The following REC114 variants were observed in gnomAD, a reference collection of about 807,000 sequenced individuals.
The protein encoded by REC114 is meiotic recombination protein REC114.
REC114 carries 27 observed loss-of-function variants against 31.3 expected under a neutral mutation model. The observed-to-expected ratio is 0.86, with a 90% CI of 0.64 to 1.19. The LOEUF (loss-of-function observed/expected upper bound fraction) is 1.19. Among genes scored for constraint, REC114 ranks in the 50% most tolerant of loss-of-function variants. The pLI, the probability that REC114 is intolerant of heterozygous loss-of-function variation, is 0.00. For synonymous variants in REC114, 134 were observed against 127.7 expected (o/e 1.05, Z -0.33); for missense variants, 344 against 326.9 (o/e 1.05, Z -0.40).
At chr15:73,527,572 ACTGT>A (rs1428360727) in intron 2 of REC114, among the ~76,000 whole-genome samples, 8 of 152,206 alleles carry the variant, frequency 5.3e-5, no homozygotes. Flanking sequence ...ACAGTCCTGT[ACTGT>A]CTATTTTCTA....
At chr15:73,541,102 A>C (rs769365919) in intron 3 of REC114, among the ~76,000 whole-genome samples, 2 of 152,198 alleles carry the variant, frequency 1.3e-5, no homozygotes, top group Non-Finnish European at 2.9e-5. Flanking sequence ...ATTGAAATTT[A>C]AGTGAAAGAT....
intron 1 of REC114, among the ~76,000 whole-genome samples, chr15:73,464,078 TCCCTCTACTTTAGA>T (rs1893024902): frequency 6.6e-6 from 1 of 152,120 alleles, no homozygotes; most frequent in African/African-American, 2.4e-5. Context: ...TCTTTTTTTC[TCCCTCTACTTTAGA>T]CCCTCTCACT....
At chr15:73,516,036 G>A (rs1893854171) in intron 2 of REC114, among the ~76,000 whole-genome samples, 1 of 151,218 alleles carries the variant, frequency 6.6e-6, no homozygotes. Context: ...ACCCAGGCTG[G>A]AGTGCAATGG....
chr15:73,538,457 T>C (rs1026597297), intron 2 of REC114, among the ~76,000 whole-genome samples: 21 of 112,134 alleles, frequency 1.9e-4, no homozygotes, highest in African/African-American at 8.5e-4. Flanking sequence ...TTCTATTTCT[T>C]TTTTTTTTTT....
rs542281967 is a variant in REC114, at chr15:73,541,232, G to A, written c.333+664G>A. On this transcript the variant is annotated intron_variant, in intron 3 of 5. Transcript: ENST00000331090. The stretch of plus-strand genomic sequence containing the variant: ...ATTCAGGGGGTCCATGAACTTCCAT[G>A]GATTTTCACTGACCTCTAATTGAAA... 5.9e-3 allele frequency among the ~76,000 whole-genome samples: 898 copies of A among 152,198 alleles called. 9 individuals are homozygous for A. Among genetic ancestry groups the A allele is most frequent in the Non-Finnish European group, 7.0e-3 (473 of 68,016 alleles).
At chr15:73,448,631 A>G (rs1269375810) in intron 1 of REC114, among the ~76,000 whole-genome samples, 3 of 152,346 alleles carry the variant, frequency 2.0e-5, no homozygotes, top group African/African-American at 7.2e-5. Flanking sequence ...ATCTCCCAGC[A>G]TAGTGTTCGA....
intron 1 of REC114, among the ~76,000 whole-genome samples, chr15:73,470,062 C>CT (rs1280045702): frequency 6.6e-6 from 1 of 151,900 alleles, no homozygotes; most frequent in Non-Finnish European, 1.5e-5. Flanking sequence ...CTTGTTTTGT[C>CT]TTTTTTATCC....
chr15:73,551,130 A>T lies in REC114; in HGVS notation c.526A>T (p.Ser176Cys). ...AAGTCAAGGGAAGGATTCTGCAAAG[A>T]GTGTCCCACGGCAGCCTGGAGTAAG... ...TESQGKDSAK[S>C]VPRQPGSHQH... Residue 176 changes from serine (S) to cysteine (C), a missense_variant, in exon 4 of 6, where the codon AGT becomes TGT. Coordinates refer to ENST00000331090, the MANE Select transcript of REC114 (RefSeq NM_001042367.2). The T allele has an allele frequency of 6.2e-7, 1 of 1,609,676 alleles. No homozygotes were observed. The highest frequency in any genetic ancestry group is 8.5e-7 in the Non-Finnish European group (1 of 1,177,920).
chr15:73,505,823 C>T (rs1428019040), intron 2 of REC114, among the ~76,000 whole-genome samples: 8 of 152,148 alleles, frequency 5.3e-5, no homozygotes, highest in African/African-American at 1.2e-4. Flanking sequence ...TGAGCCACCG[C>T]GCCCGGCCTG....
intron 2 of REC114, among the ~76,000 whole-genome samples, chr15:73,514,068 C>G (rs1441532572): frequency 1.3e-5 from 2 of 152,152 alleles, no homozygotes; most frequent in African/African-American, 4.8e-5. Context: ...GCAGTTTGAT[C>G]TCAGACTGCT....
intron 3 of REC114, among the ~76,000 whole-genome samples, chr15:73,547,601 T>C (rs532679798): frequency 6.6e-6 from 1 of 152,300 alleles, no homozygotes; most frequent in South Asian, 2.1e-4. Flanking sequence ...CCCATGTTTG[T>C]TGCAGCACTA....
intron 2 of REC114, among the ~76,000 whole-genome samples, chr15:73,528,829 A>C (rs1894039216): frequency 6.6e-6 from 1 of 152,202 alleles, no homozygotes; most frequent in African/African-American, 2.4e-5. Flanking sequence ...TTAACAACAA[A>C]AAAAATTGTC....
intron 2 of REC114, among the ~76,000 whole-genome samples, chr15:73,530,697 TC>T (rs1356744695): frequency 6.6e-6 from 1 of 151,976 alleles, no homozygotes; most frequent in Non-Finnish European, 1.5e-5. Flanking sequence ...TGCTTTGTTT[TC>T]CCTCTTCACA....
Position 73,558,414 on chromosome 15 carries a change from G to T in REC114, c.637-1338G>T, listed in dbSNP as rs546757016. On this transcript the variant is annotated intron_variant, in intron 5 of 5. Transcript: ENST00000331090. ...ATCGTCATGTGGGACTGTGGATCCG[G>T]TGTTGCCAGATCTTCCAAATTGTCA... 5.9e-5 allele frequency among the ~76,000 whole-genome samples: 9 copies of T among 152,320 alleles called. No homozygotes were observed. In the East Asian group the frequency reaches 1.2e-3, roughly 20 times the overall value.
chr15:73,485,708 T>C (rs1893356177), intron 2 of REC114, among the ~76,000 whole-genome samples: 1 of 152,186 alleles, frequency 6.6e-6, no homozygotes, highest in African/African-American at 2.4e-5. Flanking sequence ...CAGACGCTGG[T>C]GCTGTGCTTC....
chr15:73,557,718 GA>G (rs1894492602), intron 5 of REC114, among the ~76,000 whole-genome samples: 1 of 152,164 alleles, frequency 6.6e-6, no homozygotes, highest in Non-Finnish European at 1.5e-5. Flanking sequence ...TCAATTGCTA[GA>G]AAAGGCATAC....
intron 1 of REC114, among the ~76,000 whole-genome samples, chr15:73,464,446 T>C (rs1428141332): frequency 6.6e-6 from 1 of 152,130 alleles, no homozygotes; most frequent in Non-Finnish European, 1.5e-5. Flanking sequence ...GGTTTTCTGT[T>C]GTTCTTCATT....
At chr15:73,530,294 A>T (rs1894059675) in intron 2 of REC114, among the ~76,000 whole-genome samples, 1 of 152,218 alleles carries the variant, frequency 6.6e-6, no homozygotes. Flanking sequence ...ATTTCTATCT[A>T]TCTTATTATT....
At chr15:73,519,875 A>G (rs1163691415) in intron 2 of REC114, among the ~76,000 whole-genome samples, 1 of 152,252 alleles carries the variant, frequency 6.6e-6, no homozygotes, top group East Asian at 1.9e-4. Context: ...CAGTCTCAAA[A>G]TGACAAATAC....
Sources: allele counts gnomAD v4.1 joint callset (sites outside exome capture counted in the v4.1 genomes callset), GRCh38; gene constraint gnomAD v4.1.1; transcripts MANE v1.5; gene names NCBI Gene and HGNC (gene_info 2026-07-23, HGNC 2026-07-21).